The following TRAF7 variants were observed in gnomAD, a reference collection of about 807,000 sequenced individuals.
TRAF7 encodes the protein E3 ubiquitin-protein ligase TRAF7.
Under a neutral mutation model 89.3 loss-of-function variants are expected in TRAF7, and 45 were observed. That is an observed-to-expected ratio of 0.50 (90% CI 0.40 to 0.65). The LOEUF (loss-of-function observed/expected upper bound fraction) is 0.65, where lower values mean the gene tolerates loss of function less well. TRAF7 is among the 30% of genes least tolerant of loss of function. The pLI is 0.00. For synonymous variants in TRAF7, 406 were observed against 369.2 expected, an observed-to-expected ratio of 1.10 and a Z score of -1.14; for missense variants, 677 against 918.1, an observed-to-expected ratio of 0.74 and a Z score of 3.39.
At chr16:2,172,730 T>G in intron 9 of TRAF7, 131 bp downstream of exon 9, 1 of 1,190,064 alleles carries the variant, frequency 8.4e-7, no homozygotes, top group Non-Finnish European at 1.2e-6. Flanking sequence ...TGTAATCCTC[T>G]CTGAGGCCCA....
chr16:2,173,859 T>TGGCCCCCCC, intron 12 of TRAF7, 23 bp downstream of exon 12: 3 of 1,246,220 alleles, frequency 2.4e-6, no homozygotes, highest in Non-Finnish European at 3.3e-6. Flanking sequence ...CCGCCGTGGC[T>TGGCCCCCCC]CCCGCCCACC....
intron 3 of TRAF7, among the ~76,000 whole-genome samples, chr16:2,167,048 C>G (rs1051441515): frequency 6.6e-6 from 1 of 152,196 alleles, no homozygotes; most frequent in Non-Finnish European, 1.5e-5. Flanking sequence ...AGTAGCGCCT[C>G]TTTGCTGCTG....
At chr16:2,174,493 G>A (rs2093127232) in intron 14 of TRAF7, among the ~76,000 whole-genome samples, 160 bp downstream of exon 14, 1 of 152,206 alleles carries the variant, frequency 6.6e-6, no homozygotes, top group South Asian at 2.1e-4. Flanking sequence ...CTGGGTAGCA[G>A]TGTGTGGGCC....
In TRAF7 at chr16:2,176,082, A is replaced by AC; in HGVS notation, c.1783dup (p.Leu595ProfsTer69). 6.2e-7 allele frequency: 1 copy of AC among 1,610,760 alleles called. No individual in the cohort carries two copies. Among genetic ancestry groups the AC allele is most frequent in the South Asian group, 1.1e-5 (1 of 90,906 alleles). ...CATTGAGTCCAAGGAGCAGGTGCGG[A>AC]CCCTCACGGGCCACGTGGGCACCGT... On this transcript the variant is annotated frameshift_variant, in exon 19 of 21. Transcript: ENST00000326181. LOFTEE classifies it high-confidence loss of function.
intron 2 of TRAF7, among the ~76,000 whole-genome samples, chr16:2,165,152 G>T (rs1207450180): frequency 1.3e-4 from 18 of 136,018 alleles, no homozygotes; most frequent in Admixed American, 1.5e-4. Context: ...TGAAGCGTGT[G>T]AGTGCTGCGT....
chr16:2,162,110 A>G lies in TRAF7; in HGVS notation c.-38-1773A>G, dbSNP rs1225972595. ...TGGGACGCAAAGATCAGGTGGGGCCAGGTAGCTCGTGGCGCTGCCAACTGC... is the reference window on the plus strand; with the variant it reads ...TGGGACGCAAAGATCAGGTGGGGCCGGGTAGCTCGTGGCGCTGCCAACTGC... On this transcript the variant is annotated intron_variant, in intron 1 of 20. Coordinates refer to ENST00000326181, the MANE Select transcript of TRAF7 (RefSeq NM_032271.3). This position sits in a 1 kb window ranked among gnomAD's most constrained non-coding sequence, Gnocchi z 5.0. Among the ~76,000 whole-genome samples the G allele has an allele frequency of 2.0e-5, 3 of 152,230 alleles. No homozygotes were observed. The highest frequency in any genetic ancestry group is 2.9e-5 in the Non-Finnish European group (2 of 68,036).
At position 2,178,088 on chromosome 16, in the gene TRAF7, G is replaced by C; in HGVS notation, c.*1514G>C. 2.0e-6 allele frequency: 1 copy of C among 495,606 alleles called. No homozygotes were observed. Among genetic ancestry groups the C allele is most frequent in the African/African-American group, 2.0e-5 (1 of 50,928 alleles). The allele number at this position is 495,606 out of a possible 1,614,324, so 30.7% of individuals were successfully genotyped here. On this transcript the variant is annotated 3_prime_UTR_variant, in exon 21 of 21. Coordinates refer to ENST00000326181, the MANE Select transcript of TRAF7 (RefSeq NM_032271.3). Reference sequence around the variant, plus strand: ...CCTTTTTGTTTCTCTGGGGAAATCCGCCTCAGCTCATTCCCAATAAATTAA... The same window carrying C: ...CCTTTTTGTTTCTCTGGGGAAATCCCCCTCAGCTCATTCCCAATAAATTAA...
Position 2,177,308 on chromosome 16 carries a change from C to G in TRAF7, c.*734C>G, listed in dbSNP as rs1025164485. The G allele has an allele frequency of 4.3e-6, 1 of 234,586 alleles. No homozygotes were observed. Among genetic ancestry groups the G allele is most frequent in the African/African-American group, 2.2e-5 (1 of 45,316 alleles). 14.5% of individuals were successfully genotyped at this position (234,586 alleles called of 1,614,324 possible). A position where few individuals can be genotyped will look rare whatever the true frequency, so the allele number is the denominator to read the frequency against. On this transcript the variant is annotated 3_prime_UTR_variant, in exon 21 of 21. Transcript: ENST00000326181. ...GGGGGGACAGCTGGGCACGTCCACT[C>G]GCAGGGAAACACGGGGTGAGACAGC...
chr16:2,175,817 C>T lies in TRAF7; in HGVS notation c.1627-17C>T, dbSNP rs939250165. ...AAGCACCTGGCCTGGGACCAACTGG[C>T]CCACGATTACTCATAGATCTGGGAC... is the stretch of plus-strand genomic sequence containing the variant. On this transcript the variant is annotated splice_polypyrimidine_tract_variant and intron_variant, in intron 17 of 20. Transcript: ENST00000326181. 1 of 1,611,476 alleles carries T rather than the reference C, an allele frequency of 6.2e-7. No homozygotes were observed. Among genetic ancestry groups the T allele is most frequent in the African/African-American group, 1.3e-5 (1 of 74,912 alleles).
At chr16:2,164,180 G>A (rs565408943) in intron 2 of TRAF7, among the ~76,000 whole-genome samples, 179 bp downstream of exon 2, 45 of 131,256 alleles carry the variant, frequency 3.4e-4, no homozygotes, top group East Asian at 9.1e-4. Context: ...GCGCGCGCGC[G>A]CACGCGTGCG....
intron 1 of TRAF7, among the ~76,000 whole-genome samples, chr16:2,157,743 G>T (rs925183472): frequency 6.6e-6 from 1 of 152,050 alleles, no homozygotes; most frequent in African/African-American, 2.4e-5. Flanking sequence ...GCCACTCCCC[G>T]GCTTGGCATG....
intron 1 of TRAF7, among the ~76,000 whole-genome samples, chr16:2,156,795 G>T (rs531960971): frequency 4.4e-4 from 67 of 152,278 alleles, no homozygotes; most frequent in Admixed American, 3.6e-3. Context: ...TGGAGAGGCG[G>T]TCCGATCTAG....
chr16:2,164,159 T>TGTGCGCGCGCGC (rs879079517), intron 2 of TRAF7, among the ~76,000 whole-genome samples, 158 bp downstream of exon 2: 6 of 126,078 alleles, frequency 4.8e-5, no homozygotes, highest in African/African-American at 9.3e-5. Flanking sequence ...TGTGTGTGTG[T>TGTGCGCGCGCGC]GCGCGCGCGC....
In TRAF7 at chr16:2,162,389, T is replaced by C. The variant is rs2093061587; in HGVS notation, c.-38-1494T>C. On this transcript the variant is annotated intron_variant, in intron 1 of 20. Transcript: ENST00000326181. The surrounding 1 kb of genome is among the most constrained non-coding windows in gnomAD (Gnocchi z 5.0). ...AGACTGTGGGCACGGTGGTGGGTGATGAGTGGCATCTTGAAGGCGCATGCA... is the reference window on the plus strand; with the variant it reads ...AGACTGTGGGCACGGTGGTGGGTGACGAGTGGCATCTTGAAGGCGCATGCA... Among the ~76,000 whole-genome samples, 2 of 152,032 alleles carry C rather than the reference T, an allele frequency of 1.3e-5. No homozygotes were observed. The highest frequency in any genetic ancestry group is 1.9e-4 in the East Asian group (1 of 5,180).
At position 2,170,647 on chromosome 16, in the gene TRAF7, G is replaced by T; in HGVS notation, c.265G>T (p.Ala89Ser). Residue 89 changes from alanine (A) to serine (S), a missense_variant, in exon 5 of 21, where the codon GCC (alanine) becomes TCC (serine). This residue lies in a region of TRAF7 where 240 missense variants were observed against 191.9 expected (regional missense o/e 1.25). Transcript: ENST00000326181. The stretch of plus-strand genomic sequence containing the variant: ...CAGCACTCCCCGCCGCTCCGACTCC[G>T]CCATCTCTGTCCGCTCCCTGCACTC... ...PISTPRRSDS[A>S]ISVRSLHSES... 6.2e-7 allele frequency: 1 copy of T among 1,610,124 alleles called. No individual in the cohort carries two copies. Among genetic ancestry groups the T allele is most frequent in the Non-Finnish European group, 8.5e-7 (1 of 1,178,648 alleles).
Position 2,175,859 on chromosome 16 carries a change from G to A in TRAF7, c.1652G>A (p.Cys551Tyr), listed in dbSNP as rs2141297051. Residue 551 changes from cysteine (C) to tyrosine (Y), a missense_variant, in exon 18 of 21, where the codon TGC (cysteine) becomes TAC (tyrosine). Around this residue, in one of 6 missense-constraint regions of TRAF7, gnomAD observed 160 missense variants for 263.7 expected, o/e 0.61. Transcript: ENST00000326181. ...ATCTGGGACATCCGAACCCTTGACT[G>A]CATCCACGTCCTGCAGACGTCTGGT... ...IKIWDIRTLDCIHVLQTSGGS... is the reference protein window; with the variant it reads ...IKIWDIRTLDYIHVLQTSGGS... 2 of 1,613,520 alleles carry A rather than the reference G, an allele frequency of 1.2e-6. No homozygotes were observed. Among genetic ancestry groups the A allele is most frequent in the Non-Finnish European group, 8.5e-7 (1 of 1,179,962 alleles).
At chr16:2,155,960 G>C (rs1455256999) in intron 1 of TRAF7, 102 bp downstream of exon 1, 4 of 147,446 alleles carry the variant, frequency 2.7e-5, no homozygotes, top group African/African-American at 1.0e-4. Flanking sequence ...GAGGCGAGGC[G>C]AGGGGTCGGG....
Position 2,171,248 on chromosome 16 carries a change from TC to T in TRAF7, c.349-13del. ...GTGGCCTCCCGCCATCGCCTGCCTT[TC>T]CCGCTTGGTTCCAGGAGCCACTGGT... On this transcript the variant is annotated splice_polypyrimidine_tract_variant and intron_variant, in intron 5 of 20. Transcript: ENST00000326181. The T allele has an allele frequency of 6.5e-7, 1 of 1,538,472 alleles. No individual in the cohort carries two copies.
At chr16:2,173,141 G>A (rs117921232) in intron 9 of TRAF7, 41 bp from the exon 10 acceptor site, 34,220 of 1,570,594 alleles carry the variant, frequency 0.022, 466 homozygotes, top group Middle Eastern at 0.026. Context: ...GGGAGGCACC[G>A]GCAGGGACCC....
Sources: allele counts gnomAD v4.1 joint callset (sites outside exome capture counted in the v4.1 genomes callset), GRCh38; gene constraint gnomAD v4.1.1; regional missense constraint gnomAD v4.1.1; non-coding constraint Gnocchi (gnomAD v3.1); transcripts MANE v1.5; gene names NCBI Gene and HGNC (gene_info 2026-07-23, HGNC 2026-07-21).